PRKD1: variants seen among roughly 807,000 people sequenced by gnomAD.
PRKD1 encodes serine/threonine-protein kinase D1.
PRKD1 carries 63 observed loss-of-function variants against 95.9 expected under a neutral mutation model. That is an observed-to-expected ratio of 0.66 (90% CI 0.54 to 0.81). PRKD1 has a LOEUF of 0.81. Among genes scored for constraint, PRKD1 ranks in the 30% least tolerant of loss-of-function variants. The probability of loss-of-function intolerance (pLI) is 0.00; values close to 1 mark genes in which losing one functional copy is unlikely to be tolerated. For synonymous variants in PRKD1, 425 were observed against 423.1 expected (o/e 1.00, Z -0.05); for missense variants, 1,048 against 1,165.3 (o/e 0.90, Z 1.47).
intron 1 of PRKD1, among the ~76,000 whole-genome samples, chr14:29,860,856 GTTAT>G: frequency 6.6e-6 from 1 of 152,162 alleles, no homozygotes; most frequent in East Asian, 1.9e-4. Flanking sequence ...TCAAATTTAG[GTTAT>G]TTGACTCCAG....
In PRKD1 at chr14:29,821,874, A is replaced by C. The variant is rs539577164; in HGVS notation, c.265-96200T>G. On this transcript the variant is annotated intron_variant, in intron 1 of 17. Transcript: ENST00000331968. Reference sequence around the variant, plus strand: ...AGACCATGTGTGCCTGCACACACACACCCACACACAACCTCCTCAAGCAGA... The same window carrying C: ...AGACCATGTGTGCCTGCACACACACCCCCACACACAACCTCCTCAAGCAGA... Among the ~76,000 whole-genome samples the C allele has an allele frequency of 2.0e-5, 3 of 152,068 alleles. No individual in the cohort carries two copies. The South Asian group carries it at 6.2e-4, about 32-fold the overall frequency.
At chr14:29,594,491 C>A (rs1289352112) in intron 16 of PRKD1, among the ~76,000 whole-genome samples, 1 of 152,088 alleles carries the variant, frequency 6.6e-6, no homozygotes, top group East Asian at 1.9e-4. Context: ...CTTTGTAAAA[C>A]CTCATTATGT....
At chr14:29,612,743 A>C (rs1181956466) in intron 13 of PRKD1, among the ~76,000 whole-genome samples, 2 of 152,188 alleles carry the variant, frequency 1.3e-5, no homozygotes, top group Non-Finnish European at 2.9e-5. Context: ...TGGAACATGC[A>C]AAAGACAGTA....
chr14:29,850,386 T>C (rs965969305), intron 1 of PRKD1, among the ~76,000 whole-genome samples: 8 of 151,422 alleles, frequency 5.3e-5, no homozygotes, highest in African/African-American at 1.9e-4. Context: ...TATACAAAAA[T>C]CAGTAGCATT....
In PRKD1 at chr14:29,602,500, G is replaced by A. The variant is rs1893560108; in HGVS notation, c.1906-2683C>T. ...GGTTGGAGTGCAATGGCAAATCTCG[G>A]CTCACCACAACCTCTGCCTCCCAGG... On this transcript the variant is annotated intron_variant, in intron 13 of 17. Coordinates refer to ENST00000331968, the MANE Select transcript of PRKD1 (RefSeq NM_002742.3). 3.3e-5 allele frequency among the ~76,000 whole-genome samples: 5 copies of A among 150,840 alleles called. No individual in the cohort carries two copies. In the South Asian group the frequency reaches 1.0e-3, roughly 32 times the overall value.
At chr14:29,582,122 T>C (rs1892775156) in intron 16 of PRKD1, among the ~76,000 whole-genome samples, 2 of 152,224 alleles carry the variant, frequency 1.3e-5, no homozygotes, top group Non-Finnish European at 2.9e-5. Flanking sequence ...AAAGTGCAGT[T>C]ATTCTGGAAT....
chr14:29,814,916 AGGATGG>A (rs1890632372), intron 1 of PRKD1, among the ~76,000 whole-genome samples: 2 of 152,232 alleles, frequency 1.3e-5, no homozygotes, highest in Non-Finnish European at 2.9e-5. Flanking sequence ...CACAGTGTAA[AGGATGG>A]TTTAATATTT....
chr14:29,596,338 G>A (rs572672301), intron 16 of PRKD1, among the ~76,000 whole-genome samples: 1 of 152,178 alleles, frequency 6.6e-6, no homozygotes, highest in South Asian at 2.1e-4. Context: ...CCTAGAACTA[G>A]ATATTGCCTG....
chr14:29,895,651 C>T (rs946073363), intron 1 of PRKD1, among the ~76,000 whole-genome samples: 2 of 152,102 alleles, frequency 1.3e-5, no homozygotes, highest in Non-Finnish European at 2.9e-5. Context: ...TCTCATCTCC[C>T]CACTCACTCC....
Position 29,927,812 on chromosome 14 carries a change from A to C in PRKD1, c.-300T>G. On this transcript the variant is annotated 5_prime_UTR_variant, in exon 1 of 18. Coordinates refer to ENST00000331968, the MANE Select transcript of PRKD1 (RefSeq NM_002742.3). ...TGGGGAGGCGCCGCCGCCGCCAAGA[A>C]TCTGCCGCCTGGCGCGCTCGGAAGG... The C allele has an allele frequency of 1.3e-5, 2 of 150,440 alleles. No homozygotes were observed. The highest frequency in any genetic ancestry group is 2.9e-5 in the Non-Finnish European group (2 of 68,498). 9.3% of individuals were successfully genotyped at this position (150,440 alleles called of 1,614,324 possible). A position where few individuals can be genotyped will look rare whatever the true frequency, so the allele number is the denominator to read the frequency against.
intron 1 of PRKD1, among the ~76,000 whole-genome samples, chr14:29,731,267 GTTC>G (rs1886421610): frequency 1.3e-5 from 2 of 152,122 alleles, no homozygotes; most frequent in South Asian, 4.1e-4. Flanking sequence ...ATAACTTTAT[GTTC>G]TTAATTCCTC....
chr14:29,769,244 C>G (rs1375863562), intron 1 of PRKD1, among the ~76,000 whole-genome samples: 1 of 151,494 alleles, frequency 6.6e-6, no homozygotes, highest in Non-Finnish European at 1.5e-5. Flanking sequence ...ATGTAACACA[C>G]TCTCTCTCTC....
intron 1 of PRKD1, among the ~76,000 whole-genome samples, chr14:29,820,527 T>C (rs901194653): frequency 6.6e-6 from 1 of 151,948 alleles, no homozygotes; most frequent in Non-Finnish European, 1.5e-5. Context: ...ACAGGAAAAG[T>C]GAGAAGGGAA....
intron 1 of PRKD1, among the ~76,000 whole-genome samples, chr14:29,840,519 T>C (rs766133826): frequency 7.2e-5 from 11 of 152,114 alleles, no homozygotes; most frequent in Non-Finnish European, 1.5e-4. Flanking sequence ...GCTTCCACAT[T>C]TATGGGTATC....
intron 1 of PRKD1, among the ~76,000 whole-genome samples, chr14:29,884,109 T>C (rs1893611238): frequency 6.6e-6 from 1 of 152,210 alleles, no homozygotes; most frequent in South Asian, 2.1e-4. Flanking sequence ...ACTTAAAAGT[T>C]TGTACATAAA....
chr14:29,878,592 T>G (rs1893390041), intron 1 of PRKD1, among the ~76,000 whole-genome samples: 1 of 152,220 alleles, frequency 6.6e-6, no homozygotes, highest in African/African-American at 2.4e-5. Flanking sequence ...AATGAAGTTC[T>G]GATACATGCT....
chr14:29,647,696 C>A (rs1043601987), intron 4 of PRKD1, among the ~76,000 whole-genome samples: 2 of 152,152 alleles, frequency 1.3e-5, no homozygotes, highest in African/African-American at 4.8e-5. Flanking sequence ...AGTCCTAGGC[C>A]ACAAAGGTGA....
intron 1 of PRKD1, among the ~76,000 whole-genome samples, chr14:29,903,964 C>A (rs45482696): frequency 4.6e-5 from 7 of 151,874 alleles, no homozygotes; most frequent in Admixed American, 3.3e-4. Flanking sequence ...CATATATTTA[C>A]GGATGTATTT....
chr14:29,583,253 CT>C (rs1447137254), intron 16 of PRKD1, among the ~76,000 whole-genome samples: 5 of 152,156 alleles, frequency 3.3e-5, no homozygotes, highest in Non-Finnish European at 7.4e-5. Context: ...ATAGTGCGGT[CT>C]TTCAGTGGTT....
Sources: gnomAD v4.1 joint callset for allele counts (sites outside exome capture counted in the v4.1 genomes callset) on GRCh38, gnomAD v4.1.1 for gene constraint, MANE v1.5 for transcripts, NCBI Gene and HGNC (gene_info 2026-07-23, HGNC 2026-07-21) for gene names.